Variants in DUOX2 observed in about 807,000 individuals in gnomAD.
The protein encoded by DUOX2 is NADH/NADPH thyroid oxidase p138-tox.
A neutral mutation model predicts 183.3 loss-of-function variants in DUOX2; 185 were observed. The observed-to-expected ratio is 1.01, with a 90% CI of 0.90 to 1.14. The LOEUF is 1.14. Ranked by LOEUF, DUOX2 falls within the 50% of genes most tolerant of loss-of-function variation. The pLI is 0.00. For missense variants in DUOX2, 1,999 were observed against 2,022.9 expected, an observed-to-expected ratio of 0.99 and a Z score of 0.23; for synonymous variants, 788 against 812.4, an observed-to-expected ratio of 0.97 and a Z score of 0.51.
chr15:45,101,690 C>A (rs746516175), intron 21 of DUOX2, 103 bp downstream of exon 21: 25 of 1,490,160 alleles, frequency 1.7e-5, no homozygotes, highest in Non-Finnish European at 2.2e-5. Context: ...TACTAGGTAC[C>A]AAGGACTCAG....
rs751023261 is a variant in DUOX2 at position 45,106,859 on chromosome 15, T to C, written c.1804A>G (p.Ile602Val). Reference sequence around the variant, plus strand: ...AAGGGAAGGCAGCAGAGAGCAATGATGGTGATGGCAAAACCAGGGCTGCTG... The same window carrying C: ...AAGGGAAGGCAGCAGAGAGCAATGACGGTGATGGCAAAACCAGGGCTGCTG... ...EGSSPGFAITIIALCCLPLVS... is the reference protein window; with the variant it reads ...EGSSPGFAITVIALCCLPLVS... The change falls in exon 15 of 34, where the codon ATC (isoleucine) becomes GTC (valine). Residue 602 changes from isoleucine to valine, a missense_variant. Coordinates refer to ENST00000389039, the MANE Select transcript of DUOX2 (RefSeq NM_001363711.2). 9 of 1,592,268 alleles carry C rather than the reference T, an allele frequency of 5.7e-6. No individual in the cohort carries two copies. Among genetic ancestry groups the C allele is most frequent in the South Asian group, 1.1e-5 (1 of 87,410 alleles).
chr15:45,092,872 T>C lies in DUOX2; in HGVS notation c.*1278A>G, dbSNP rs1408687149. On this transcript the variant is annotated 3_prime_UTR_variant, in exon 34 of 34. Transcript: ENST00000389039. ...GCCAGTCTCAAAAGAGTATATTTAGTAGGACCAAAACTGGATTTGGTAGAA... is the reference window on the plus strand; with the variant it reads ...GCCAGTCTCAAAAGAGTATATTTAGCAGGACCAAAACTGGATTTGGTAGAA... 1.3e-5 allele frequency: 2 copies of C among 152,114 alleles called. No homozygotes were observed. The highest frequency in any genetic ancestry group is 3.9e-4 in the East Asian group (2 of 5,194). 9.4% of individuals were successfully genotyped at this position (152,114 alleles called of 1,614,324 possible). A position where few individuals can be genotyped will look rare whatever the true frequency, so the allele number is the denominator to read the frequency against.
rs1474749597 is a variant in DUOX2 at position 45,093,044 on chromosome 15, C to T, written c.*1106G>A. ...ATGTACATGATTATTTATTATACCT[C>T]GATGTAAAATATTTTACAGCTCAGC... is the stretch of plus-strand genomic sequence containing the variant. On this transcript the variant is annotated 3_prime_UTR_variant, in exon 34 of 34. Transcript: ENST00000389039. 1 of 152,034 alleles carries T rather than the reference C, an allele frequency of 6.6e-6. No homozygotes were observed. Among genetic ancestry groups the T allele is most frequent in the East Asian group, 1.9e-4 (1 of 5,194 alleles). 9.4% of individuals were successfully genotyped at this position (152,034 alleles called of 1,614,324 possible). A position where few individuals can be genotyped will look rare whatever the true frequency, so the allele number is the denominator to read the frequency against.
chr15:45,112,432 G>A (rs1165156933), intron 4 of DUOX2, 122 bp downstream of exon 4: 3 of 1,239,806 alleles, frequency 2.4e-6, no homozygotes, highest in African/African-American at 1.5e-5. Context: ...GAAGTGCTGC[G>A]TAGAGAGGAA....
rs116781998 is a variant in DUOX2, at chr15:45,098,405, T to G, written c.3516-347A>C. Among the ~76,000 whole-genome samples the G allele has an allele frequency of 7.4e-3, 1,131 of 152,304 alleles. 18 individuals are homozygous for G. The highest frequency in any genetic ancestry group is 0.026 in the African/African-American group (1,088 of 41,556). On this transcript the variant is annotated intron_variant, in intron 26 of 33. Transcript: ENST00000389039. ...AGAACAATACAAGGCACACAGCAAA[T>G]CTCGGTAAGTAGTTGTTGAATGACT... is the stretch of plus-strand genomic sequence containing the variant.
Position 45,101,229 on chromosome 15 carries a change from AACGAGACTCG to A in DUOX2, c.2887_2896del (p.Arg963SerfsTer30). 3 of 1,604,696 alleles carry A rather than the reference AACGAGACTCG, an allele frequency of 1.9e-6. No individual in the cohort carries two copies. Among genetic ancestry groups the A allele is most frequent in the Non-Finnish European group, 2.6e-6 (3 of 1,173,312 alleles). ...CCGCTCCCCAGGTGTCCGAGTGATG[AACGAGACTCG>A]ACAGCTGATGTTTTGTTTAAAGATA... On this transcript the variant is annotated frameshift_variant, in exon 22 of 34. Coordinates refer to ENST00000389039, the MANE Select transcript of DUOX2 (RefSeq NM_001363711.2). LOFTEE classifies it high-confidence loss of function.
rs1375650495 is a variant in DUOX2, at chr15:45,097,225, C to T, written c.3847+13G>A. 8 of 1,614,012 alleles carry T rather than the reference C, an allele frequency of 5.0e-6. No individual in the cohort carries two copies. Among genetic ancestry groups the T allele is most frequent in the Non-Finnish European group, 6.8e-6 (8 of 1,180,040 alleles). ...TCTGTCGCTCCCGACCCAGGTCAGGCTGGGCCTGATACCTGAGGGCAGCAG... is the reference window on the plus strand; with the variant it reads ...TCTGTCGCTCCCGACCCAGGTCAGGTTGGGCCTGATACCTGAGGGCAGCAG... On this transcript the variant is annotated intron_variant, in intron 29 of 33. Coordinates refer to ENST00000389039, the MANE Select transcript of DUOX2 (RefSeq NM_001363711.2).
rs188440654 is a variant in DUOX2 at position 45,112,057 on chromosome 15, C to T, written c.326-102G>A. Reference sequence around the variant, plus strand: ...TCCTCAGGAGCCAAAAGACAGAGGTCCCAGTGCCAGCTCCGCCACCAGCTC... The same window carrying T: ...TCCTCAGGAGCCAAAAGACAGAGGTTCCAGTGCCAGCTCCGCCACCAGCTC... On this transcript the variant is annotated intron_variant, in intron 4 of 33. Coordinates refer to ENST00000389039, the MANE Select transcript of DUOX2 (RefSeq NM_001363711.2). 7.2e-3 allele frequency: 10,261 copies of T among 1,426,500 alleles called. 128 individuals are homozygous for T. The highest frequency in any genetic ancestry group is 0.043 in the Admixed American group (2,143 of 50,194). The allele number at this position is 1,426,500 out of a possible 1,614,324, so 88.4% of individuals were successfully genotyped here. A position where few individuals can be genotyped will look rare whatever the true frequency, so the allele number is the denominator to read the frequency against.
Position 45,095,573 on chromosome 15 carries a change from C to T in DUOX2, c.4103G>A (p.Gly1368Glu). 1.2e-6 allele frequency: 2 copies of T among 1,614,206 alleles called. No homozygotes were observed. Among genetic ancestry groups the T allele is most frequent in the Non-Finnish European group, 1.7e-6 (2 of 1,180,036 alleles). ...TTTATGCCACTCCTGATGGCCCTCT[C>T]CAAACGGTCCATCAAGGTACAGCTG... is the stretch of plus-strand genomic sequence containing the variant. Reference protein sequence around the residue: ...YPKLYLDGPFGEGHQEWHKFE... With the variant: ...YPKLYLDGPFEEGHQEWHKFE... The change falls in exon 31 of 34, where the codon GGA becomes GAA. Residue 1368 changes from glycine to glutamate, a missense_variant. Gly to Glu is a moderately conservative substitution (Grantham distance 98, BLOSUM62 -2). This residue lies in a region of DUOX2 where 1,628 missense variants were observed against 1,608.6 expected (regional missense o/e 1.01). Coordinates refer to ENST00000389039, the MANE Select transcript of DUOX2 (RefSeq NM_001363711.2).
rs545851545 is a variant in DUOX2 at position 45,100,237 on chromosome 15, A to G, written c.3006-9T>C. On this transcript the variant is annotated splice_polypyrimidine_tract_variant and intron_variant, in intron 23 of 33. Coordinates refer to ENST00000389039, the MANE Select transcript of DUOX2 (RefSeq NM_001363711.2). ...GAGTGGGCACTGCTGCCCTATAGCA[A>G]GGGGAGGCAGGGCAGCAGTGTGGTA... 1.9e-6 allele frequency: 3 copies of G among 1,611,588 alleles called. No individual in the cohort carries two copies. In the African/African-American group the frequency reaches 4.0e-5, roughly 21 times the overall value.
chr15:45,100,606 T>C (rs2141145207), intron 23 of DUOX2, 149 bp downstream of exon 23: 3 of 798,562 alleles, frequency 3.8e-6, no homozygotes, highest in Middle Eastern at 2.2e-4. Flanking sequence ...GAAAAGTCAT[T>C]CAACACTGTA....
At chr15:45,098,135 T>C (rs573137918) in intron 26 of DUOX2, 77 bp from the exon 27 acceptor site, 4 of 1,397,484 alleles carry the variant, frequency 2.9e-6, no homozygotes, top group Non-Finnish European at 2.0e-6. Flanking sequence ...GCATGACTCC[T>C]TTCCTGCTGG....
Position 45,106,602 on chromosome 15 carries a change from C to T in DUOX2, c.1871G>A (p.Gly624Asp). Residue 624 changes from glycine (G) to aspartate (D), a missense_variant, in exon 16 of 34, where the codon GGC becomes GAC. Transcript: ENST00000389039. ...LLSGVVAYFR[G>D]REHKKLQKKL... ...CTTTTGTAGCTTCTTGTGTTCTCGG[C>T]CCCGGAAATAGGCCACCACTCCAGA... 6.2e-7 allele frequency: 1 copy of T among 1,614,112 alleles called. No individual in the cohort carries two copies. The highest frequency in any genetic ancestry group is 8.5e-7 in the Non-Finnish European group (1 of 1,180,032).
chr15:45,096,831 C>G (rs909671701), intron 29 of DUOX2, among the ~76,000 whole-genome samples: 3 of 152,180 alleles, frequency 2.0e-5, no homozygotes, highest in Non-Finnish European at 4.4e-5. Context: ...CGACTTTGGC[C>G]AGCACTGACT....
rs1894384009 is a variant in DUOX2 at position 45,111,146 on chromosome 15, G to A, written c.847C>T (p.Gln283Ter). The A allele has an allele frequency of 7.8e-7, 1 of 1,289,362 alleles. No individual in the cohort carries two copies. The highest frequency in any genetic ancestry group is 1.6e-5 in the African/African-American group (1 of 62,928). The allele number at this position is 1,289,362 out of a possible 1,614,324, so 79.9% of individuals were successfully genotyped here. A position where few individuals can be genotyped will look rare whatever the true frequency, so the allele number is the denominator to read the frequency against. Residue 283 changes from glutamine to a stop codon, truncating the protein, a stop_gained, in exon 7 of 34, where the codon CAG (glutamine) becomes TAG (stop). Transcript: ENST00000389039. LOFTEE classifies it high-confidence loss of function. ...GCGATGACCCTCTTGCGTGCGTGCT[G>A]GAACAGCTCCTCGTCCTCCCAGTCT... ...HPDWEDEELF[Q>*]HARKRVIATY...
chr15:45,104,251 G>A lies in DUOX2; in HGVS notation c.2449C>T (p.Leu817Phe). Residue 817 changes from leucine (L) to phenylalanine (F), a missense_variant, in exon 19 of 34, where the codon CTC becomes TTC. By Grantham distance (22) the Leu-to-Phe change is conservative. Transcript: ENST00000389039. ...SRAEFAESLG[L>F]KPQDMFVESM... is the part of the protein sequence containing the mutation. ...TCCACAAACATGTCCTGGGGCTTGA[G>A]GCCCAGGGACTCGGCAAACTCGGCC... 2 of 1,614,080 alleles carry A rather than the reference G, an allele frequency of 1.2e-6. No individual in the cohort carries two copies. The highest frequency in any genetic ancestry group is 1.1e-5 in the South Asian group (1 of 91,070).
At chr15:45,098,316 A>G (rs1310280665) in intron 26 of DUOX2, among the ~76,000 whole-genome samples, 1 of 152,122 alleles carries the variant, frequency 6.6e-6, no homozygotes, top group Non-Finnish European at 1.5e-5. Context: ...TCCCTGGTTC[A>G]TTATTCTGTA....
At chr15:45,101,753 G>T (rs1555413154) in intron 21 of DUOX2, 40 bp downstream of exon 21, 2 of 1,613,234 alleles carry the variant, frequency 1.2e-6, no homozygotes, top group Admixed American at 3.3e-5. Flanking sequence ...TTGAGGACAC[G>T]CCCCCCCTCC....
In DUOX2 at chr15:45,097,401, C is replaced by T. The variant is rs760457544; in HGVS notation, c.3694-10G>A. On this transcript the variant is annotated splice_polypyrimidine_tract_variant and intron_variant, in intron 28 of 33. Transcript: ENST00000389039. Reference sequence around the variant, plus strand: ...TGCCATGGATGATGAGCTGGAGACACGGCCAGTTAGTACAACTCAGGCCCA... The same window carrying T: ...TGCCATGGATGATGAGCTGGAGACATGGCCAGTTAGTACAACTCAGGCCCA... 2.4e-5 allele frequency: 39 copies of T among 1,614,238 alleles called. No individual in the cohort carries two copies. Among genetic ancestry groups the T allele is most frequent in the Middle Eastern group, 1.6e-4 (1 of 6,062 alleles).
Sources: allele counts gnomAD v4.1 joint callset (sites outside exome capture counted in the v4.1 genomes callset), GRCh38; gene constraint gnomAD v4.1.1; regional missense constraint gnomAD v4.1.1; transcripts MANE v1.5; gene names NCBI Gene and HGNC (gene_info 2026-07-23, HGNC 2026-07-21).